The following MERTK variants were observed in gnomAD, a reference collection of about 807,000 sequenced individuals.
MERTK encodes the protein tyrosine-protein kinase Mer.
MERTK carries 69 observed loss-of-function variants against 99.3 expected under a neutral mutation model. The ratio of observed to expected loss-of-function variants is 0.70; its 90% CI spans 0.57 to 0.85. MERTK has a LOEUF of 0.85. Ranked by LOEUF, MERTK falls within the 40% of genes least tolerant of loss-of-function variation. MERTK has a pLI of 0.00. For synonymous variants in MERTK, 426 were observed against 467.6 expected (o/e 0.91, Z 1.15); for missense variants, 1,125 against 1,249.4 (o/e 0.90, Z 1.50).
At position 111,971,995 on chromosome 2, in the gene MERTK, AG is replaced by A. The variant is rs1676128309; in HGVS notation, c.961-3291del. 4.0e-5 allele frequency among the ~76,000 whole-genome samples: 6 copies of A among 151,616 alleles called. No homozygotes were observed. The South Asian group carries it at 1.3e-3, about 32-fold the overall frequency. On this transcript the variant is annotated intron_variant, in intron 6 of 18. Coordinates refer to ENST00000295408, the MANE Select transcript of MERTK (RefSeq NM_006343.3). The stretch of plus-strand genomic sequence containing the variant: ...TGGGGCTCTGTTGTTAGAAATATCC[AG>A]GGCCTCTTTCCCTAGAGGTAGACAT...
At chr2:111,914,074 C>CTCTTT (rs1470316353) in intron 1 of MERTK, among the ~76,000 whole-genome samples, 1 of 134,144 alleles carries the variant, frequency 7.5e-6, no homozygotes. Flanking sequence ...GGATGTGCCC[C>CTCTTT]TCTTTTCTTT....
At chr2:111,959,118 ATAT>A (rs1227189313) in intron 4 of MERTK, among the ~76,000 whole-genome samples, 1 of 152,164 alleles carries the variant, frequency 6.6e-6, no homozygotes, top group Admixed American at 6.5e-5. Flanking sequence ...TGAAATGGGC[ATAT>A]CACTTGGGAG....
chr2:111,949,120 C>T (rs752111219), intron 4 of MERTK, among the ~76,000 whole-genome samples: 1 of 152,044 alleles, frequency 6.6e-6, no homozygotes, highest in African/African-American at 2.4e-5. Context: ...CTCATCACTT[C>T]TTCAGAGAGG....
chr2:111,982,503 C>T (rs1029241084), intron 7 of MERTK, among the ~76,000 whole-genome samples: 2 of 152,162 alleles, frequency 1.3e-5, no homozygotes, highest in Non-Finnish European at 2.9e-5. Flanking sequence ...CTGCCTGTCT[C>T]CTGAGGGACT....
intron 11 of MERTK, among the ~76,000 whole-genome samples, chr2:112,002,814 A>G (rs1384268569): frequency 3.9e-5 from 6 of 152,102 alleles, no homozygotes; most frequent in African/African-American, 1.4e-4. Context: ...CTCTACTGAA[A>G]ATACATAAAT....
chr2:111,898,631 C>T lies in MERTK; in HGVS notation c.-105C>T, dbSNP rs1683969953. On this transcript the variant is annotated 5_prime_UTR_variant, in exon 1 of 19. Transcript: ENST00000295408. ...CACTCGGCACTCACTGCCCGGGCCG[C>T]CCGGACAGGGAGCTTCGCTGGCGCG... 1 of 1,397,168 alleles carries T rather than the reference C, an allele frequency of 7.2e-7. No individual in the cohort carries two copies. Among genetic ancestry groups the T allele is most frequent in the East Asian group, 2.5e-5 (1 of 39,572 alleles). 86.5% of individuals were successfully genotyped at this position (1,397,168 alleles called of 1,614,324 possible). A position where few individuals can be genotyped will look rare whatever the true frequency, so the allele number is the denominator to read the frequency against.
Position 111,929,422 on chromosome 2 carries a change from A to G in MERTK, c.364A>G (p.Ile122Val), listed in dbSNP as rs984856838. 17 of 1,614,146 alleles carry G rather than the reference A, an allele frequency of 1.1e-5. No homozygotes were observed. Among genetic ancestry groups the G allele is most frequent in the Non-Finnish European group, 1.4e-5 (16 of 1,180,006 alleles). The stretch of plus-strand genomic sequence containing the variant: ...TAATTGCTCAATCAGTGTACCTAAT[A>G]TATACCAGGACACCACAATTTCTTG... ...KFNCSISVPN[I>V]YQDTTISWWK... Residue 122 changes from isoleucine (I) to valine (V), a missense_variant, in exon 2 of 19, where the codon ATA becomes GTA. Coordinates refer to ENST00000295408, the MANE Select transcript of MERTK (RefSeq NM_006343.3).
At chr2:111,911,551 GC>G in intron 1 of MERTK, among the ~76,000 whole-genome samples, 1 of 152,000 alleles carries the variant, frequency 6.6e-6, no homozygotes, top group East Asian at 1.9e-4. Context: ...ACCATGCCCA[GC>G]TAATTTTTGT....
chr2:111,940,069 C>T (rs906697761), intron 2 of MERTK, among the ~76,000 whole-genome samples: 2 of 151,922 alleles, frequency 1.3e-5, no homozygotes, highest in Admixed American at 6.6e-5. Flanking sequence ...GGTCCAGCTC[C>T]TGTTTCCTAG....
chr2:111,984,711 C>A (rs181033765), intron 8 of MERTK, among the ~76,000 whole-genome samples: 137 of 152,262 alleles, frequency 9.0e-4, no homozygotes, highest in Non-Finnish European at 1.6e-3. Flanking sequence ...CTAGATGATT[C>A]TTCTTTCATG....
intron 8 of MERTK, among the ~76,000 whole-genome samples, chr2:111,990,693 G>A (rs777385302): frequency 3.3e-5 from 5 of 152,104 alleles, no homozygotes; most frequent in Non-Finnish European, 7.4e-5. Context: ...TGGAATATTT[G>A]CATTATATTT....
intron 4 of MERTK, among the ~76,000 whole-genome samples, chr2:111,964,705 T>C (rs1685328364): frequency 6.6e-6 from 1 of 152,234 alleles, no homozygotes; most frequent in African/African-American, 2.4e-5. Context: ...TGCATCCTTG[T>C]GAATTGACCA....
At chr2:112,003,863 A>G in intron 12 of MERTK, 41 bp from the exon 13 acceptor site, 1 of 1,496,882 alleles carries the variant, frequency 6.7e-7, no homozygotes, top group Non-Finnish European at 9.3e-7. Flanking sequence ...GTCAGGGAAG[A>G]GTTTGCACAG....
chr2:111,913,714 T>C (rs1319701546), intron 1 of MERTK, among the ~76,000 whole-genome samples: 1 of 151,918 alleles, frequency 6.6e-6, no homozygotes, highest in Non-Finnish European at 1.5e-5. Context: ...GCCTGGCTAA[T>C]TTTTTTGTAT....
intron 14 of MERTK, 165 bp from the exon 15 acceptor site, chr2:112,009,781 CTG>C (rs897704367): frequency 7.2e-5 from 48 of 665,172 alleles, no homozygotes; most frequent in African/African-American, 7.0e-4. Flanking sequence ...GTAGTGGACC[CTG>C]TGTGTGTTCC....
rs1330492688 is a variant in MERTK, at chr2:111,994,162, G to T, written c.1297-89G>T. On this transcript the variant is annotated intron_variant, in intron 8 of 18. Coordinates refer to ENST00000295408, the MANE Select transcript of MERTK (RefSeq NM_006343.3). ...GGCTTCTGGCCTCGGACGTGGGCGG[G>T]ATGGCTTCCCTCAGAAGGAACTGTA... 4 of 1,493,062 alleles carry T rather than the reference G, an allele frequency of 2.7e-6. No individual in the cohort carries two copies. The Admixed American group carries it at 6.7e-5, about 25-fold the overall frequency. The allele number at this position is 1,493,062 out of a possible 1,614,324, so 92.5% of individuals were successfully genotyped here.
chr2:111,963,070 A>G (rs1041234624), intron 4 of MERTK, among the ~76,000 whole-genome samples: 1 of 152,148 alleles, frequency 6.6e-6, no homozygotes, highest in Non-Finnish European at 1.5e-5. Flanking sequence ...GTCATAGGAT[A>G]ATAGTGGAGA....
chr2:111,947,269 TCCCCACC>T, intron 3 of MERTK, 118 bp from the exon 4 acceptor site: 1 of 635,404 alleles, frequency 1.6e-6, no homozygotes, highest in Non-Finnish European at 2.7e-6. Context: ...CAAGACTCCA[TCCCCACC>T]CGCCCCCCAC....
rs373431009 is a variant in MERTK, at chr2:111,941,694, A to G, written c.483-3266A>G. Among the ~76,000 whole-genome samples, 437 of 152,264 alleles carry G rather than the reference A, an allele frequency of 2.9e-3. 3 individuals are homozygous for G. Among genetic ancestry groups the G allele is most frequent in the African/African-American group, 6.4e-3 (264 of 41,548 alleles). On this transcript the variant is annotated intron_variant, in intron 2 of 18. Coordinates refer to ENST00000295408, the MANE Select transcript of MERTK (RefSeq NM_006343.3). ...GAGCCTTTCCCTTGGATGTCTAGAA[A>G]GCGACAAGTATAATGATTTATGGAA... is the stretch of plus-strand genomic sequence containing the variant.
Sources: gnomAD v4.1 joint callset for allele counts (sites outside exome capture counted in the v4.1 genomes callset) on GRCh38, gnomAD v4.1.1 for gene constraint, MANE v1.5 for transcripts, NCBI Gene and HGNC (gene_info 2026-07-23, HGNC 2026-07-21) for gene names.